The following GIGYF2 variants were observed in gnomAD, a reference collection of about 807,000 sequenced individuals.
GIGYF2 encodes the protein GRB10 interacting GYF protein 2.
A neutral mutation model predicts 208.1 loss-of-function variants in GIGYF2; 25 were observed. The ratio of observed to expected loss-of-function variants is 0.12; its 90% CI spans 0.09 to 0.17. The LOEUF is 0.17. Among genes scored for constraint, GIGYF2 ranks in the 10% least tolerant of loss-of-function variants. GIGYF2 has a pLI of 1.00. For missense variants in GIGYF2, 1,302 were observed against 1,579.4 expected (o/e 0.82, Z 2.98); for synonymous variants, 534 against 543.8 (o/e 0.98, Z 0.25).
intron 8 of GIGYF2, among the ~76,000 whole-genome samples, chr2:232,769,533 A>ATTT (rs1436778963): frequency 6.7e-6 from 1 of 148,994 alleles, no homozygotes; most frequent in Non-Finnish European, 1.5e-5. Context: ...AAAAAGTGAT[A>ATTT]TTTTGAAGAA....
At position 232,786,910 on chromosome 2, in the gene GIGYF2, G is replaced by A. The variant is rs144618859; in HGVS notation, c.533-240G>A. ...TAGGAAGATGGACTTTTCATTGTAC[G>A]CTTTTTCAAAAAAAATTTTACATAA... On this transcript the variant is annotated intron_variant, in intron 8 of 28. Transcript: ENST00000373563. 9.7e-4 allele frequency among the ~76,000 whole-genome samples: 148 copies of A among 152,002 alleles called. 1 individual carries two copies. The highest frequency in any genetic ancestry group is 3.4e-3 in the African/African-American group (139 of 41,472).
At chr2:232,795,049 T>A in intron 13 of GIGYF2, 105 bp downstream of exon 13, 1 of 856,108 alleles carries the variant, frequency 1.2e-6, no homozygotes, top group Non-Finnish European at 2.0e-6. Flanking sequence ...AGATTTTAAG[T>A]ACTGGAAAAA....
chr2:232,797,768 G>T (rs1700268747), intron 14 of GIGYF2, among the ~76,000 whole-genome samples: 1 of 151,934 alleles, frequency 6.6e-6, no homozygotes, highest in South Asian at 2.1e-4. Flanking sequence ...ACCACTTGAG[G>T]CCAGGAGTTC....
In GIGYF2 at chr2:232,768,801, G is replaced by A. The variant is rs727503972; in HGVS notation, c.532+7365G>A. 1.2e-6 allele frequency: 2 copies of A among 1,604,218 alleles called. No homozygotes were observed. The highest frequency in any genetic ancestry group is 8.5e-7 in the Non-Finnish European group (1 of 1,173,172). Reference sequence around the variant, plus strand: ...TCGATTTTTTGGCCGGGCAATCTTCGCCACAAAAGCACCTAAATAAGAAAT... The same window carrying A: ...TCGATTTTTTGGCCGGGCAATCTTCACCACAAAAGCACCTAAATAAGAAAT... On this transcript the variant is annotated intron_variant, in intron 8 of 28. Transcript: ENST00000373563.
chr2:232,819,857 G>A lies in GIGYF2; in HGVS notation c.2401G>A (p.Glu801Lys). 2.5e-6 allele frequency: 4 copies of A among 1,586,538 alleles called. No individual in the cohort carries two copies. Among genetic ancestry groups the A allele is most frequent in the Non-Finnish European group, 3.4e-6 (4 of 1,167,518 alleles). The change falls in exon 21 of 29, where the codon GAA becomes AAA. Residue 801 changes from glutamate to lysine, a missense_variant. This residue lies in a region of GIGYF2 where 701 missense variants were observed against 793.0 expected (regional missense o/e 0.88). Transcript: ENST00000373563. ...EEALRRQREQ[E>K]IALRRQREEE... is the part of the protein sequence containing the mutation. ...GGCTCTGCGTCGCCAGCGGGAGCAA[G>A]AAATTGCATTAAGGCGACAGCGAGA...
intron 28 of GIGYF2, among the ~76,000 whole-genome samples, chr2:232,855,010 G>A (rs912912402): frequency 6.7e-6 from 1 of 149,602 alleles, no homozygotes; most frequent in Non-Finnish European, 1.5e-5. Context: ...AATTATAGAA[G>A]TTTTGGAAAA....
At chr2:232,815,528 G>A (rs1700880811) in intron 18 of GIGYF2, 109 bp from the exon 19 acceptor site, 1 of 722,992 alleles carries the variant, frequency 1.4e-6, no homozygotes, top group Non-Finnish European at 2.6e-6. Flanking sequence ...GATGTGTTTG[G>A]TGGAGCTCAT....
At chr2:232,836,318 A>T (rs1574940044) in intron 22 of GIGYF2, among the ~76,000 whole-genome samples, 6 of 37,016 alleles carry the variant, frequency 1.6e-4, no homozygotes, top group African/African-American at 4.6e-4. Context: ...ATATATATAT[A>T]TATATATATA....
At chr2:232,736,282 T>G in intron 3 of GIGYF2, 2 of 557,040 alleles carry the variant, frequency 3.6e-6, no homozygotes, top group Non-Finnish European at 4.6e-6. Context: ...TTTAAAATGA[T>G]TTTCTTAGTA....
At chr2:232,756,951 A>G (rs1038621136) in intron 6 of GIGYF2, among the ~76,000 whole-genome samples, 1 of 152,154 alleles carries the variant, frequency 6.6e-6, no homozygotes, top group Admixed American at 6.5e-5. Context: ...ACATTCTTAA[A>G]TATTTGTAAT....
At chr2:232,793,491 G>T (rs981217891) in intron 12 of GIGYF2, among the ~76,000 whole-genome samples, 4 of 152,138 alleles carry the variant, frequency 2.6e-5, no homozygotes, top group Non-Finnish European at 4.4e-5. Flanking sequence ...AGCCTGAGAG[G>T]ATTATGGTGC....
In GIGYF2 at chr2:232,839,917, G is replaced by T. The variant is rs141356541; in HGVS notation, c.2835G>T (p.Ser945=). The T allele has an allele frequency of 3.4e-3, 5,563 of 1,614,004 alleles. 18 individuals carry two copies. Among genetic ancestry groups the T allele is most frequent in the Non-Finnish European group, 4.1e-3 (4,779 of 1,179,888 alleles). The change falls in exon 23 of 29, where the codon TCG becomes TCT. Residue 945 remains serine (S), a synonymous_variant. Transcript: ENST00000373563. ...TTACQSQATL[S]LAEIQKLEEE... ...CATGTCAGTCCCAGGCCACGCTGTCGTTGGCTGAAATCCAAAAACTAGAGG... is the reference window on the plus strand; with the variant it reads ...CATGTCAGTCCCAGGCCACGCTGTCTTTGGCTGAAATCCAAAAACTAGAGG...
intron 3 of GIGYF2, among the ~76,000 whole-genome samples, chr2:232,746,152 A>T (rs989147636): frequency 1.3e-5 from 2 of 151,344 alleles, no homozygotes; most frequent in African/African-American, 4.9e-5. Flanking sequence ...ATTTATGAAA[A>T]TACAAAAAAT....
At chr2:232,783,548 A>G (rs1039883236) in intron 8 of GIGYF2, among the ~76,000 whole-genome samples, 2 of 152,196 alleles carry the variant, frequency 1.3e-5, no homozygotes, top group African/African-American at 4.8e-5. Context: ...ACCATTCTAC[A>G]TGAATATTGG....
intron 28 of GIGYF2, among the ~76,000 whole-genome samples, chr2:232,855,080 C>CTTTTTTTTTTTTTT (rs201395041): frequency 5.5e-5 from 6 of 109,180 alleles, no homozygotes; most frequent in Admixed American, 1.0e-4. Context: ...CTTTTTCTTT[C>CTTTTTTTTTTTTTT]TTTTTTTTTT....
In GIGYF2 at chr2:232,768,762, C is replaced by T. The variant is rs752305262; in HGVS notation, c.532+7326C>T. 20 of 1,599,402 alleles carry T rather than the reference C, an allele frequency of 1.3e-5. No homozygotes were observed. Among genetic ancestry groups the T allele is most frequent in the East Asian group, 2.2e-5 (1 of 44,520 alleles). On this transcript the variant is annotated intron_variant, in intron 8 of 28. Coordinates refer to ENST00000373563, the MANE Select transcript of GIGYF2 (RefSeq NM_001103146.3). ...AGCTACTACTGCTGTGTCAGTAAAG[C>T]GAATTGAAAAAGCTCGATTTTTTGG...
intron 1 of GIGYF2, among the ~76,000 whole-genome samples, chr2:232,701,188 A>G (rs1383517324): frequency 5.3e-5 from 8 of 152,040 alleles, no homozygotes; most frequent in African/African-American, 9.7e-5. Context: ...AAAGTATTAC[A>G]TACTTCCCTA....
chr2:232,702,280 A>T (rs181331658), intron 1 of GIGYF2, among the ~76,000 whole-genome samples: 71 of 151,936 alleles, frequency 4.7e-4, no homozygotes, highest in Non-Finnish European at 9.0e-4. Flanking sequence ...GTCTACTAAA[A>T]ATACAAAAAT....
chr2:232,743,251 A>G (rs1315511693), intron 3 of GIGYF2, among the ~76,000 whole-genome samples: 3 of 152,170 alleles, frequency 2.0e-5, no homozygotes, highest in Non-Finnish European at 4.4e-5. Flanking sequence ...GGAAGTAGAG[A>G]TGTTTCTAGA....
Sources: gnomAD v4.1 joint callset for allele counts (sites outside exome capture counted in the v4.1 genomes callset) on GRCh38, gnomAD v4.1.1 for gene constraint, gnomAD v4.1.1 regional missense constraint, MANE v1.5 for transcripts, NCBI Gene and HGNC (gene_info 2026-07-23, HGNC 2026-07-21) for gene names.